LGR4: variants seen among roughly 807,000 people sequenced by gnomAD.
LGR4 encodes leucine-rich repeat-containing G protein-coupled receptor 4.
Under a neutral mutation model 84.8 loss-of-function variants are expected in LGR4, and 44 were observed. The observed-to-expected ratio is 0.52, with a 90% CI of 0.41 to 0.67. LGR4 has a LOEUF of 0.67. Ranked by LOEUF, LGR4 falls within the 30% of genes least tolerant of loss-of-function variation. LGR4 has a pLI of 0.00. For synonymous variants in LGR4, 429 were observed against 434.3 expected (o/e 0.99, Z 0.15); for missense variants, 1,032 against 1,131.4 (o/e 0.91, Z 1.26).
intron 2 of LGR4, among the ~76,000 whole-genome samples, chr11:27,396,206 C>T (rs541465683): frequency 1.3e-5 from 2 of 152,258 alleles, no homozygotes; most frequent in South Asian, 4.2e-4. Flanking sequence ...ATTGTGATGC[C>T]TCTGGTAGTC....
chr11:27,429,126 A>C (rs573197982), intron 1 of LGR4, among the ~76,000 whole-genome samples: 9 of 152,296 alleles, frequency 5.9e-5, no homozygotes, highest in African/African-American at 1.9e-4. Context: ...CATCACTTAG[A>C]GATAAAGAGG....
chr11:27,449,759 T>A (rs1013047118), intron 1 of LGR4, among the ~76,000 whole-genome samples: 1 of 152,216 alleles, frequency 6.6e-6, no homozygotes, highest in Non-Finnish European at 1.5e-5. Flanking sequence ...AAAGGACGTA[T>A]GTCTATAATT....
In LGR4 at chr11:27,393,952, G is replaced by C. The variant is rs1002167024; in HGVS notation, c.258-1434C>G. ...TGCACTGAAGATTGGGGGGGGGGGG[G>C]GGCGCGGGAAGGGGACAGAAAAGCA... On this transcript the variant is annotated intron_variant, in intron 2 of 17. Transcript: ENST00000379214. Among the ~76,000 whole-genome samples, 18 of 115,542 alleles carry C rather than the reference G, an allele frequency of 1.6e-4. 4 individuals are homozygous for C. The highest frequency in any genetic ancestry group is 2.8e-4 in the African/African-American group (9 of 32,018). 75.8% of individuals were successfully genotyped at this position (115,542 alleles called of 152,430 possible). A position where few individuals can be genotyped will look rare whatever the true frequency, so the allele number is the denominator to read the frequency against.
intron 1 of LGR4, among the ~76,000 whole-genome samples, chr11:27,415,008 A>T (rs1443886798): frequency 6.6e-6 from 1 of 152,204 alleles, no homozygotes; most frequent in East Asian, 1.9e-4. Context: ...AGTTTATCAT[A>T]ATGCAAAGTT....
chr11:27,455,251 G>A (rs895203607), intron 1 of LGR4, among the ~76,000 whole-genome samples: 2 of 152,072 alleles, frequency 1.3e-5, no homozygotes, highest in African/African-American at 4.8e-5. Context: ...ATACCCTGGA[G>A]CACTATAAAT....
At chr11:27,450,275 T>C (rs73448041) in intron 1 of LGR4, among the ~76,000 whole-genome samples, 5,206 of 152,296 alleles carry the variant, frequency 0.034, 272 homozygotes, top group African/African-American at 0.12. Context: ...ACAAGCCTTA[T>C]AAATTGTCAG....
At chr11:27,376,456 A>G in intron 12 of LGR4, 86 bp from the exon 13 acceptor site, 1 of 612,326 alleles carries the variant, frequency 1.6e-6, no homozygotes, top group South Asian at 2.9e-5. Context: ...GGATAGAGAA[A>G]AAGAAAAAAG....
intron 1 of LGR4, among the ~76,000 whole-genome samples, chr11:27,457,469 TTA>T: frequency 6.6e-6 from 1 of 152,194 alleles, no homozygotes; most frequent in Non-Finnish European, 1.5e-5. Flanking sequence ...TTTAAAGAAC[TTA>T]AAGAAAGCAG....
intron 2 of LGR4, among the ~76,000 whole-genome samples, chr11:27,400,340 T>G (rs189989478): frequency 1.3e-5 from 2 of 152,180 alleles, no homozygotes; most frequent in East Asian, 3.9e-4. Context: ...CTCCTGCTTT[T>G]TTTGTTTTTC....
intron 1 of LGR4, among the ~76,000 whole-genome samples, chr11:27,446,013 A>G (rs941129626): frequency 2.0e-5 from 3 of 152,258 alleles, no homozygotes; most frequent in Non-Finnish European, 1.5e-5. Flanking sequence ...ATGTCCTTCA[A>G]ATTATTCAAC....
chr11:27,447,014 A>T (rs942135850), intron 1 of LGR4, among the ~76,000 whole-genome samples: 20 of 147,698 alleles, frequency 1.4e-4, no homozygotes, highest in Non-Finnish European at 9.0e-5. Context: ...GGTGGGGAAC[A>T]TCACACACCG....
At chr11:27,448,627 C>A (rs1864433204) in intron 1 of LGR4, among the ~76,000 whole-genome samples, 1 of 152,172 alleles carries the variant, frequency 6.6e-6, no homozygotes, top group Non-Finnish European at 1.5e-5. Context: ...TGTATGGAAA[C>A]AAAATGATTT....
Position 27,380,647 on chromosome 11 carries a change from G to T in LGR4, c.895C>A (p.His299Asn). ...TTAAATTCACATACTTACAGGGAATGAAGATCAGATAAATTGTGAAATGCT... is the reference window on the plus strand; with the variant it reads ...TTAAATTCACATACTTACAGGGAATTAAGATCAGATAAATTGTGAAATGCT... ...NSAFHNLSDL[H>N]SLVIRGASMV... The change falls in exon 9 of 18, where the codon CAT becomes AAT. Residue 299 changes from histidine (H) to asparagine (N), a missense_variant. By Grantham distance (68) the His-to-Asn change is moderately conservative. Coordinates refer to ENST00000379214, the MANE Select transcript of LGR4 (RefSeq NM_018490.5). 1 of 1,568,352 alleles carries T rather than the reference G, an allele frequency of 6.4e-7. No homozygotes were observed. Among genetic ancestry groups the T allele is most frequent in the Non-Finnish European group, 8.8e-7 (1 of 1,140,442 alleles).
intron 4 of LGR4, among the ~76,000 whole-genome samples, chr11:27,389,738 C>T (rs1416667297): frequency 6.6e-6 from 1 of 152,092 alleles, no homozygotes; most frequent in Non-Finnish European, 1.5e-5. Flanking sequence ...CTGATGAATT[C>T]AGGTCCAAGA....
At chr11:27,417,278 C>T (rs1863838786) in intron 1 of LGR4, among the ~76,000 whole-genome samples, 1 of 151,898 alleles carries the variant, frequency 6.6e-6, no homozygotes, top group South Asian at 2.1e-4. Context: ...ATGGTGATGT[C>T]CATAAACTCA....
chr11:27,395,880 A>G (rs1262361684), intron 2 of LGR4, among the ~76,000 whole-genome samples: 3 of 152,210 alleles, frequency 2.0e-5, no homozygotes, highest in Non-Finnish European at 4.4e-5. Flanking sequence ...TTCTTATAGT[A>G]AACCTTGGGG....
At position 27,366,200 on chromosome 11, in the gene LGR4, A is replaced by C. The variant is rs546391936; in HGVS notation, c.*1667T>G. 2 of 152,712 alleles carry C rather than the reference A, an allele frequency of 1.3e-5. No homozygotes were observed. Among genetic ancestry groups the C allele is most frequent in the South Asian group, 4.1e-4 (2 of 4,830 alleles). 9.5% of individuals were successfully genotyped at this position (152,712 alleles called of 1,614,324 possible). A position where few individuals can be genotyped will look rare whatever the true frequency, so the allele number is the denominator to read the frequency against. On this transcript the variant is annotated 3_prime_UTR_variant, in exon 18 of 18. Transcript: ENST00000379214. ...CATGATAGCAATTTTTAAAACTTGT[A>C]AATAGTTGGCCTTACAAAATTACAA...
chr11:27,389,183 A>T (rs781017692), intron 4 of LGR4, among the ~76,000 whole-genome samples: 2 of 152,036 alleles, frequency 1.3e-5, no homozygotes, highest in African/African-American at 4.8e-5. Flanking sequence ...GAGAACTTTA[A>T]CTCTATCTAA....
intron 1 of LGR4, among the ~76,000 whole-genome samples, chr11:27,452,030 TA>T (rs1302717254): frequency 2.6e-5 from 4 of 152,210 alleles, no homozygotes; most frequent in African/African-American, 9.7e-5. Context: ...GACACCCACG[TA>T]ATCTTCCAAC....
Sources: gnomAD v4.1 joint callset for allele counts (sites outside exome capture counted in the v4.1 genomes callset) on GRCh38, gnomAD v4.1.1 for gene constraint, MANE v1.5 for transcripts, NCBI Gene and HGNC (gene_info 2026-07-23, HGNC 2026-07-21) for gene names.